The following PKHD1 variants were observed in gnomAD, a reference collection of about 807,000 sequenced individuals.
The protein encoded by PKHD1 is PKHD1 ciliary IPT domain containing fibrocystin/polyductin.
PKHD1 carries 291 observed loss-of-function variants against 412.0 expected under a neutral mutation model. The ratio of observed to expected loss-of-function variants is 0.71; its 90% CI spans 0.64 to 0.78. The LOEUF (loss-of-function observed/expected upper bound fraction) is 0.78. Ranked by LOEUF, PKHD1 falls within the 30% of genes least tolerant of loss-of-function variation. The pLI, the probability that PKHD1 is intolerant of heterozygous loss-of-function variation, is 0.00. For synonymous variants in PKHD1, 1,777 were observed against 1,821.5 expected, an observed-to-expected ratio of 0.98 and a Z score of 0.62; for missense variants, 4,825 against 4,950.7, an observed-to-expected ratio of 0.97 and a Z score of 0.76.
At chr6:52,028,434 G>C (rs1315728043) in intron 29 of PKHD1, 83 bp from the exon 30 acceptor site, 2 of 1,336,778 alleles carry the variant, frequency 1.5e-6, no homozygotes, top group African/African-American at 1.4e-5. Context: ...CTGTCTTTTT[G>C]GATTAAATTC....
chr6:51,840,489 C>A (rs1377815214), intron 50 of PKHD1, among the ~76,000 whole-genome samples: 1 of 152,082 alleles, frequency 6.6e-6, no homozygotes, highest in Non-Finnish European at 1.5e-5. Flanking sequence ...CTCAATTAAA[C>A]CTTCTTAATT....
At chr6:52,038,058 C>A (rs1054810100) in intron 27 of PKHD1, among the ~76,000 whole-genome samples, 8 of 152,190 alleles carry the variant, frequency 5.3e-5, no homozygotes, top group African/African-American at 1.9e-4. Context: ...AAGATAAGCC[C>A]TAATCCAATA....
At chr6:51,755,475 G>C (rs1020473467) in intron 55 of PKHD1, among the ~76,000 whole-genome samples, 1 of 151,992 alleles carries the variant, frequency 6.6e-6, no homozygotes, top group Non-Finnish European at 1.5e-5. Context: ...TTCACTCCTC[G>C]GCTTCATATC....
chr6:52,042,712 G>T, intron 27 of PKHD1, 147 bp downstream of exon 27: 1 of 743,198 alleles, frequency 1.3e-6, no homozygotes, highest in Non-Finnish European at 2.3e-6. Context: ...TCAAATGTTT[G>T]TTGCTCATTT....
At chr6:51,814,832 C>T (rs1478117110) in intron 52 of PKHD1, among the ~76,000 whole-genome samples, 1 of 152,170 alleles carries the variant, frequency 6.6e-6, no homozygotes, top group Non-Finnish European at 1.5e-5. Flanking sequence ...GTTCAGAGAA[C>T]TTCATCAAGA....
chr6:51,867,811 TAAC>T (rs1775321351), intron 48 of PKHD1, 49 bp downstream of exon 48: 12 of 1,539,904 alleles, frequency 7.8e-6, no homozygotes, highest in Non-Finnish European at 1.1e-5. Flanking sequence ...ACAGCCAGAA[TAAC>T]AGATGCATGC....
rs184788485 is a variant in PKHD1, at chr6:52,033,891, G to A, written c.3229-726C>T. On this transcript the variant is annotated intron_variant, in intron 28 of 66. Transcript: ENST00000371117. ...CACCTGTAATCCCAGCATTTTGGGA[G>A]GCCGAGGCGGGTGGATCACCTGAGA... is the stretch of plus-strand genomic sequence containing the variant. Among the ~76,000 whole-genome samples, 401 of 152,144 alleles carry A rather than the reference G, an allele frequency of 2.6e-3. 1 individual carries two copies. Among genetic ancestry groups the A allele is most frequent in the African/African-American group, 9.3e-3 (385 of 41,528 alleles).
chr6:51,755,285 G>A (rs1431403996), intron 55 of PKHD1, among the ~76,000 whole-genome samples: 1 of 152,140 alleles, frequency 6.6e-6, no homozygotes, highest in East Asian at 1.9e-4. Flanking sequence ...AATAATAACA[G>A]CATTTCAGAA....
chr6:52,067,101 C>T (rs1223209197), intron 11 of PKHD1, among the ~76,000 whole-genome samples: 1 of 152,052 alleles, frequency 6.6e-6, no homozygotes, highest in African/African-American at 2.4e-5. Flanking sequence ...ATGGTTACCC[C>T]TGAAAAATAG....
At chr6:51,989,279 T>G (rs1796586311) in intron 35 of PKHD1, among the ~76,000 whole-genome samples, 1 of 152,244 alleles carries the variant, frequency 6.6e-6, no homozygotes, top group Non-Finnish European at 1.5e-5. Flanking sequence ...AAACACTATT[T>G]CAGTTCTCCC....
chr6:51,929,984 A>T (rs1206531349), intron 37 of PKHD1, among the ~76,000 whole-genome samples: 2 of 152,166 alleles, frequency 1.3e-5, no homozygotes, highest in Non-Finnish European at 2.9e-5. Context: ...ACATTGATAA[A>T]TTTCCCTGCT....
intron 54 of PKHD1, among the ~76,000 whole-genome samples, chr6:51,774,626 AAT>A (rs1404056852): frequency 2.0e-5 from 3 of 152,030 alleles, no homozygotes; most frequent in Admixed American, 2.0e-4. Context: ...GTTATATGAC[AAT>A]AGTTATATAT....
At chr6:51,687,778 G>T (rs1777632290) in intron 60 of PKHD1, among the ~76,000 whole-genome samples, 1 of 152,052 alleles carries the variant, frequency 6.6e-6, no homozygotes, top group Non-Finnish European at 1.5e-5. Context: ...TCTTGGTGTT[G>T]GTAATAAAAC....
In PKHD1 at chr6:52,055,732, G is replaced by C; in HGVS notation, c.1694-3C>G. 6.2e-7 allele frequency: 1 copy of C among 1,613,698 alleles called. No individual in the cohort carries two copies. The highest frequency in any genetic ancestry group is 8.5e-7 in the Non-Finnish European group (1 of 1,179,746). ...ATCAGAGTTGGAAACTTCTGGGCCT[G>C]GATGCAGTTCAGATAAAATAGAAAG... On this transcript the variant is annotated splice_polypyrimidine_tract_variant and splice_region_variant and intron_variant, in intron 18 of 66. Coordinates refer to ENST00000371117, the MANE Select transcript of PKHD1 (RefSeq NM_138694.4).
Position 51,718,030 on chromosome 6 carries a change from G to T in PKHD1, c.10156+26355C>A, listed in dbSNP as rs370371806. Among the ~76,000 whole-genome samples, 158 of 152,328 alleles carry T rather than the reference G, an allele frequency of 1.0e-3. 1 individual carries two copies. The highest frequency in any genetic ancestry group is 3.6e-3 in the African/African-American group (148 of 41,584). On this transcript the variant is annotated intron_variant, in intron 60 of 66. Coordinates refer to ENST00000371117, the MANE Select transcript of PKHD1 (RefSeq NM_138694.4). Reference sequence around the variant, plus strand: ...AGACACCTTTGGCTAAGGAAGCCTTGCTAAATGGTTTTATTCTAATGGTTA... The same window carrying T: ...AGACACCTTTGGCTAAGGAAGCCTTTCTAAATGGTTTTATTCTAATGGTTA...
Position 52,022,837 on chromosome 6 carries a change from C to A in PKHD1, c.5344G>T (p.Val1782Leu). 6.2e-7 allele frequency: 1 copy of A among 1,614,148 alleles called. No individual in the cohort carries two copies. Residue 1782 changes from valine to leucine, a missense_variant, in exon 33 of 67, where the codon GTG (valine) becomes TTG (leucine). Transcript: ENST00000371117. The stretch of plus-strand genomic sequence containing the variant: ...AGAACCAAGCAGCTGAAGGCAGACA[C>A]TGTAGCATTAGCCAGGACTCGGCAG... ...APCRVLANAT[V>L]SAFSCLVLPL...
Position 52,024,907 on chromosome 6 carries a change from C to A in PKHD1, c.4903G>T (p.Ala1635Ser), listed in dbSNP as rs1801906844. 2.5e-6 allele frequency: 4 copies of A among 1,614,042 alleles called. No homozygotes were observed. The African/African-American group carries it at 4.0e-5, about 16-fold the overall frequency. ...AGTCCATCTACCTCTATTTCCAGGG[C>A]AACAGAGCCATTCCCTGTGGGAACA... ...CIVPTGNGSVALEIEVDGLWY... is the reference protein window; with the variant it reads ...CIVPTGNGSVSLEIEVDGLWY... Residue 1635 changes from alanine to serine, a missense_variant, in exon 32 of 67, where the codon GCC becomes TCC. Ala to Ser is a moderately conservative substitution (Grantham distance 99). Coordinates refer to ENST00000371117, the MANE Select transcript of PKHD1 (RefSeq NM_138694.4).
At chr6:51,951,906 T>C (rs186581429) in intron 36 of PKHD1, among the ~76,000 whole-genome samples, 144 of 152,294 alleles carry the variant, frequency 9.5e-4, no homozygotes, top group Non-Finnish European at 1.6e-3. Flanking sequence ...GGAAAGCCAA[T>C]GAAAGGTTTT....
At chr6:52,070,559 G>T (rs959626916) in intron 9 of PKHD1, 114 bp from the exon 10 acceptor site, 2 of 758,170 alleles carry the variant, frequency 2.6e-6, no homozygotes, top group Middle Eastern at 2.3e-4. Context: ...ACCCAAACCT[G>T]TAATTTCTTT....
Sources: gnomAD v4.1 joint callset for allele counts (sites outside exome capture counted in the v4.1 genomes callset) on GRCh38, gnomAD v4.1.1 for gene constraint, MANE v1.5 for transcripts, NCBI Gene and HGNC (gene_info 2026-07-23, HGNC 2026-07-21) for gene names.